SLC5A1: variants seen among roughly 807,000 people sequenced by gnomAD.
SLC5A1 encodes solute carrier family 5 member 1, also known as sodium/glucose cotransporter 1.
SLC5A1 carries 42 observed loss-of-function variants against 73.5 expected under a neutral mutation model. That is an observed-to-expected ratio of 0.57 (90% CI 0.45 to 0.74). SLC5A1 has a LOEUF of 0.74. Ranked by LOEUF, SLC5A1 falls within the 30% of genes least tolerant of loss-of-function variation. The probability of loss-of-function intolerance (pLI) is 0.00; values close to 1 mark genes in which losing one functional copy is unlikely to be tolerated. For synonymous variants in SLC5A1, 300 were observed against 317.4 expected, an observed-to-expected ratio of 0.95 and a Z score of 0.58; for missense variants, 634 against 855.4, an observed-to-expected ratio of 0.74 and a Z score of 3.23.
At chr22:32,086,807 G>A (rs1431044132) in intron 10 of SLC5A1, among the ~76,000 whole-genome samples, 1 of 152,164 alleles carries the variant, frequency 6.6e-6, no homozygotes, top group African/African-American at 2.4e-5. Flanking sequence ...CATGTTCACT[G>A]TAGCATTGTT....
intron 2 of SLC5A1, among the ~76,000 whole-genome samples, chr22:32,061,794 A>G (rs905627719): frequency 3.3e-5 from 5 of 152,186 alleles, no homozygotes; most frequent in Non-Finnish European, 5.9e-5. Context: ...ACAGGAAGTC[A>G]AGAGGGGCAG....
chr22:32,086,140 CA>C (rs374963859), intron 9 of SLC5A1, 79 bp from the exon 10 acceptor site: 56,535 of 640,854 alleles, frequency 0.088, no homozygotes, highest in South Asian at 0.11. Context: ...GACTCCGTCT[CA>C]AAAAAAAAAA....
chr22:32,081,910 C>T lies in SLC5A1; in HGVS notation c.522C>T (p.Gly174=). 1 of 1,613,808 alleles carries T rather than the reference C, an allele frequency of 6.2e-7. No individual in the cohort carries two copies. Among genetic ancestry groups the T allele is most frequent in the Non-Finnish European group, 8.5e-7 (1 of 1,179,798 alleles). ...SGAIFINLAL[G]LNLYLAIFLL... is the part of the protein sequence containing the mutation. Reference sequence around the variant, plus strand: ...CCATATTCATCAATCTGGCCTTAGGCCTGAATCTGTATTTAGCCATCTTTC... The same window carrying T: ...CCATATTCATCAATCTGGCCTTAGGTCTGAATCTGTATTTAGCCATCTTTC... Residue 174 remains glycine (G), a synonymous_variant, in exon 6 of 15, where the codon GGC becomes GGT. Transcript: ENST00000266088.
chr22:32,087,344 T>C (rs568123542), intron 10 of SLC5A1, among the ~76,000 whole-genome samples: 65 of 152,338 alleles, frequency 4.3e-4, no homozygotes, highest in Non-Finnish European at 1.5e-5. Context: ...CATCATATTA[T>C]ATACCCTCAA....
At chr22:32,109,962 C>T (rs1268471428) in intron 14 of SLC5A1, 28 bp from the exon 15 acceptor site, 1 of 1,590,290 alleles carries the variant, frequency 6.3e-7, no homozygotes, top group Non-Finnish European at 8.6e-7. Context: ...GCTTCTGTGT[C>T]CAATAATTCT....
Position 32,075,194 on chromosome 22 carries a change from G to A in SLC5A1, c.477+6594G>A, listed in dbSNP as rs571163728. Among the ~76,000 whole-genome samples the A allele has an allele frequency of 2.6e-5, 4 of 151,114 alleles. No homozygotes were observed. In the Admixed American group the frequency reaches 2.6e-4, roughly 10 times the overall value. On this transcript the variant is annotated intron_variant, in intron 5 of 14. Coordinates refer to ENST00000266088, the MANE Select transcript of SLC5A1 (RefSeq NM_000343.4). ...CCCAAAGTGCTGGGATTACAGGTGT[G>A]AGCCACCACATCTGGCTGGGATTTT...
In SLC5A1 at chr22:32,063,600, A is replaced by G. The variant is rs967000318; in HGVS notation, c.208-3335A>G. On this transcript the variant is annotated intron_variant, in intron 2 of 14. Coordinates refer to ENST00000266088, the MANE Select transcript of SLC5A1 (RefSeq NM_000343.4). ...TGACAGGCCCTTTTGGGTGTCCAGG[A>G]AAGTCTCTGAATAGGTCAGTGTTAT... 2.0e-5 allele frequency among the ~76,000 whole-genome samples: 3 copies of G among 152,110 alleles called. No individual in the cohort carries two copies. In the East Asian group the frequency reaches 5.8e-4, roughly 29 times the overall value.
chr22:32,066,166 C>G (rs1343457884), intron 2 of SLC5A1, among the ~76,000 whole-genome samples: 1 of 152,124 alleles, frequency 6.6e-6, no homozygotes, highest in African/African-American at 2.4e-5. Context: ...CTCCTTTCCC[C>G]TTCCAGTCTT....
chr22:32,056,638 C>G (rs2093952423), intron 2 of SLC5A1, among the ~76,000 whole-genome samples: 1 of 152,022 alleles, frequency 6.6e-6, no homozygotes, highest in Non-Finnish European at 1.5e-5. Context: ...TCCAGCACAG[C>G]CTAGAGAAGG....
chr22:32,096,677 T>G (rs996220670), intron 11 of SLC5A1, among the ~76,000 whole-genome samples: 3 of 152,220 alleles, frequency 2.0e-5, no homozygotes, highest in Admixed American at 1.3e-4. Context: ...GTGCTCATTA[T>G]CATGATTATC....
chr22:32,050,003 G>A lies in SLC5A1; in HGVS notation c.196G>A (p.Val66Met), dbSNP rs1460424935. The part of the protein sequence containing the change: ...GGFFLAGRSM[V>M]WWPIGASLFA... ...CTTCTTCCTGGCAGGCCGAAGTATG[G>A]TGTGGTGGCCGGTAAGTTTTCTCTG... Residue 66 changes from valine (V) to methionine (M), a missense_variant, in exon 2 of 15, where the codon GTG (valine) becomes ATG (methionine). Transcript: ENST00000266088. The A allele has an allele frequency of 1.2e-6, 2 of 1,613,994 alleles. No individual in the cohort carries two copies. Among genetic ancestry groups the A allele is most frequent in the Non-Finnish European group, 1.7e-6 (2 of 1,179,870 alleles).
intron 13 of SLC5A1, among the ~76,000 whole-genome samples, chr22:32,103,811 C>T (rs920095523): frequency 4.6e-5 from 7 of 152,142 alleles, no homozygotes; most frequent in African/African-American, 1.7e-4. Context: ...TGATTCAAGA[C>T]TTCAAAAGTT....
At chr22:32,053,862 A>G (rs2093948170) in intron 2 of SLC5A1, among the ~76,000 whole-genome samples, 1 of 152,192 alleles carries the variant, frequency 6.6e-6, no homozygotes, top group Admixed American at 6.5e-5. Flanking sequence ...AGGGATGCCT[A>G]TCATGATTAT....
chr22:32,058,083 G>T (rs1569301373), intron 2 of SLC5A1, among the ~76,000 whole-genome samples: 2 of 151,870 alleles, frequency 1.3e-5, no homozygotes. Context: ...GTTAAATTTG[G>T]ATATATATAT....
chr22:32,098,381 CACT>C (rs1191909607), intron 11 of SLC5A1, among the ~76,000 whole-genome samples: 5 of 152,158 alleles, frequency 3.3e-5, no homozygotes, highest in African/African-American at 1.2e-4. Flanking sequence ...GTGTTTGTAT[CACT>C]ACTACTATCA....
chr22:32,090,239 G>T (rs9621384), intron 10 of SLC5A1, among the ~76,000 whole-genome samples: 1 of 151,870 alleles, frequency 6.6e-6, no homozygotes, highest in Non-Finnish European at 1.5e-5. Flanking sequence ...ATAAATTTTA[G>T]AAAATTTGTG....
chr22:32,097,369 T>C (rs990255261), intron 11 of SLC5A1, among the ~76,000 whole-genome samples: 3 of 152,124 alleles, frequency 2.0e-5, no homozygotes, highest in Admixed American at 2.0e-4. Flanking sequence ...GGAAAGGCAT[T>C]TCAGAGGGAG....
chr22:32,058,242 C>G (rs1025100615), intron 2 of SLC5A1, among the ~76,000 whole-genome samples: 6 of 152,158 alleles, frequency 3.9e-5, no homozygotes, highest in Non-Finnish European at 8.8e-5. Context: ...CATCATATGG[C>G]TGGGTGCAGT....
At chr22:32,060,137 A>ATATACAC (rs1231359118) in intron 2 of SLC5A1, among the ~76,000 whole-genome samples, 1 of 86,556 alleles carries the variant, frequency 1.2e-5, no homozygotes, top group African/African-American at 4.3e-5. Context: ...ACACATATAT[A>ATATACAC]TACACATACA....
Sources: allele counts gnomAD v4.1 joint callset (sites outside exome capture counted in the v4.1 genomes callset), GRCh38; gene constraint gnomAD v4.1.1; transcripts MANE v1.5; gene names NCBI Gene and HGNC (gene_info 2026-07-23, HGNC 2026-07-21).